Variants in ATP8B1 observed in about 807,000 individuals in gnomAD.
ATP8B1 encodes phospholipid-transporting ATPase IC.
In ATP8B1, 80 loss-of-function variants were observed where a neutral mutation model predicts 149.9. The ratio of observed to expected loss-of-function variants is 0.53; its 90% confidence interval spans 0.45 to 0.64. The LOEUF (loss-of-function observed/expected upper bound fraction) is 0.64. Ranked by LOEUF, ATP8B1 falls within the 30% of genes least tolerant of loss-of-function variation. The pLI, the probability that ATP8B1 is intolerant of heterozygous loss-of-function variation, is 0.00. For missense variants in ATP8B1, 1,247 were observed against 1,552.6 expected, an observed-to-expected ratio of 0.80 and a Z score of 3.31; for synonymous variants, 536 against 562.8, an observed-to-expected ratio of 0.95 and a Z score of 0.67.
intron 2 of ATP8B1, among the ~76,000 whole-genome samples, chr18:57,724,492 A>G (rs2079683857): frequency 6.6e-6 from 1 of 152,204 alleles, no homozygotes. Context: ...CAAAAAACAC[A>G]TGAAAAAATG....
intron 1 of ATP8B1, among the ~76,000 whole-genome samples, chr18:57,791,346 C>CTTTTTTTTTTTTTTTTTTTTT (rs1473257768): frequency 3.1e-4 from 39 of 124,964 alleles, no homozygotes; most frequent in African/African-American, 1.2e-3. Flanking sequence ...TTTTTCTTTT[C>CTTTTTTTTTTTTTTTTTTTTT]TTTTCTTTTT....
At position 57,764,584 on chromosome 18, in the gene ATP8B1, A is replaced by C. The variant is rs184662666; in HGVS notation, c.-25-32752T>G. 2.2e-4 allele frequency among the ~76,000 whole-genome samples: 34 copies of C among 151,638 alleles called. No homozygotes were observed. The East Asian group carries it at 3.5e-3, about 16-fold the overall frequency. ...CAAGCTCCTGCCACCACACCCGGCT[A>C]ATTTTTGTATTTTTAGTAGAGATGG... On this transcript the variant is annotated intron_variant, in intron 1 of 27. Transcript: ENST00000648908.
Position 57,662,585 on chromosome 18 carries a change from C to G in ATP8B1, c.2316G>C (p.Gln772His). 1 of 1,614,186 alleles carries G rather than the reference C, an allele frequency of 6.2e-7. No homozygotes were observed. Among genetic ancestry groups the G allele is most frequent in the Non-Finnish European group, 8.5e-7 (1 of 1,180,032 alleles). Residue 772 changes from glutamine (Q) to histidine (H), a missense_variant, in exon 21 of 28, where the codon CAG (glutamine) becomes CAC (histidine). Coordinates refer to ENST00000648908, the MANE Select transcript of ATP8B1 (RefSeq NM_001374385.1). ...TTGCGTAGACGCCACCTCTATTCCTCTGGTTTTCCATCCTTGCATGAAGAA... is the reference window on the plus strand; with the variant it reads ...TTGCGTAGACGCCACCTCTATTCCTGTGGTTTTCCATCCTTGCATGAAGAA... Reference protein sequence around the residue: ...NSLLHARMENQRNRGGVYAKF... With the variant: ...NSLLHARMENHRNRGGVYAKF...
chr18:57,732,815 G>A (rs534940876), intron 1 of ATP8B1, among the ~76,000 whole-genome samples: 35 of 138,964 alleles, frequency 2.5e-4, no homozygotes, highest in East Asian at 8.7e-4. Flanking sequence ...CACCCGCCTC[G>A]GCTTCCCAAA....
chr18:57,655,251 GT>G lies in ATP8B1; in HGVS notation c.2873del (p.Asn958ThrfsTer50). The G allele has an allele frequency of 6.2e-7, 1 of 1,614,200 alleles. No homozygotes were observed. Among genetic ancestry groups the G allele is most frequent in the Non-Finnish European group, 8.5e-7 (1 of 1,180,010 alleles). ...AGAAATGAACCAAAGTAAAGGCAAA[GT>G]TTTTGTAAAAGAAGTATCGTAGGAA... ...CKFLRYFFYK[N>X]FAFTLVHFWY... On this transcript the variant is annotated frameshift_variant, in exon 23 of 28. Transcript: ENST00000648908. LOFTEE classifies it high-confidence loss of function.
intron 17 of ATP8B1, among the ~76,000 whole-genome samples, chr18:57,670,644 C>T (rs1911170545): frequency 1.3e-5 from 2 of 152,114 alleles, no homozygotes; most frequent in African/African-American, 2.4e-5. Context: ...CTACTGCACC[C>T]AGCCTGATTT....
At chr18:57,773,200 TTAAAAAAAA>T (rs1196068295) in intron 1 of ATP8B1, among the ~76,000 whole-genome samples, 1 of 125,574 alleles carries the variant, frequency 8.0e-6, no homozygotes, top group Non-Finnish European at 1.6e-5. Context: ...AGACTCTGTC[TTAAAAAAAA>T]AAAAAAAAAG....
intron 1 of ATP8B1, among the ~76,000 whole-genome samples, chr18:57,771,435 C>T (rs1343472732): frequency 2.0e-5 from 3 of 151,522 alleles, no homozygotes; most frequent in Non-Finnish European, 4.4e-5. Flanking sequence ...TCCTTCAATT[C>T]ACTTACTTCC....
chr18:57,756,931 G>C (rs1366209044), intron 1 of ATP8B1, among the ~76,000 whole-genome samples: 1 of 152,120 alleles, frequency 6.6e-6, no homozygotes, highest in Non-Finnish European at 1.5e-5. Context: ...ACACTTTTAA[G>C]ACATCGCAAA....
At chr18:57,766,483 C>A (rs1302687442) in intron 1 of ATP8B1, among the ~76,000 whole-genome samples, 1 of 152,164 alleles carries the variant, frequency 6.6e-6, no homozygotes, top group East Asian at 1.9e-4. Flanking sequence ...AGGCAGTGTG[C>A]TAAAAGCTAG....
chr18:57,725,333 A>C (rs897596791), intron 2 of ATP8B1, among the ~76,000 whole-genome samples: 4 of 152,190 alleles, frequency 2.6e-5, no homozygotes, highest in Non-Finnish European at 1.5e-5. Flanking sequence ...AAGAAGTAAA[A>C]GATCTCTGCA....
At chr18:57,786,479 A>G (rs143354578) in intron 1 of ATP8B1, among the ~76,000 whole-genome samples, 183 of 152,320 alleles carry the variant, frequency 1.2e-3, no homozygotes, top group African/African-American at 4.2e-3. Flanking sequence ...TCTAGAGTGC[A>G]GCCCCCAGTC....
intron 8 of ATP8B1, among the ~76,000 whole-genome samples, chr18:57,695,813 C>T (rs1429190799): frequency 6.6e-6 from 1 of 152,198 alleles, no homozygotes; most frequent in East Asian, 1.9e-4. Flanking sequence ...TTAACTTTAA[C>T]TTTACCATCA....
intron 1 of ATP8B1, among the ~76,000 whole-genome samples, chr18:57,743,122 C>T (rs1227194401): frequency 1.3e-5 from 2 of 152,138 alleles, no homozygotes; most frequent in South Asian, 2.1e-4. Flanking sequence ...TGAGGCATGT[C>T]GCCAGGCAAT....
At chr18:57,692,913 G>A (rs1231072931) in intron 11 of ATP8B1, among the ~76,000 whole-genome samples, 1 of 152,184 alleles carries the variant, frequency 6.6e-6, no homozygotes, top group Non-Finnish European at 1.5e-5. Context: ...AACCATCCTA[G>A]TGGTACTTGG....
At chr18:57,778,755 G>A (rs1354431038) in intron 1 of ATP8B1, among the ~76,000 whole-genome samples, 2 of 152,152 alleles carry the variant, frequency 1.3e-5, no homozygotes, top group Admixed American at 1.3e-4. Flanking sequence ...TGGGGCAGCT[G>A]GCTTCTCTTA....
intron 15 of ATP8B1, among the ~76,000 whole-genome samples, chr18:57,678,452 T>A (rs1204302659): frequency 3.3e-5 from 5 of 151,804 alleles, no homozygotes; most frequent in Admixed American, 2.6e-4. Flanking sequence ...CCACGTGTGG[T>A]GGTATGCACC....
At chr18:57,688,648 A>G (rs769133346) in intron 12 of ATP8B1, 141 bp from the exon 13 acceptor site, 60 of 882,976 alleles carry the variant, frequency 6.8e-5, no homozygotes, top group Non-Finnish European at 9.9e-5. Flanking sequence ...CTCCAAATTC[A>G]TATGTTGAAA....
chr18:57,725,292 T>G (rs2079696358), intron 2 of ATP8B1, among the ~76,000 whole-genome samples: 3 of 150,372 alleles, frequency 2.0e-5, no homozygotes, highest in Non-Finnish European at 3.0e-5. Flanking sequence ...ATAATAGCTA[T>G]GAATAAAATA....
Sources: allele counts gnomAD v4.1 joint callset (sites outside exome capture counted in the v4.1 genomes callset), GRCh38; gene constraint gnomAD v4.1.1; transcripts MANE v1.5; gene names NCBI Gene and HGNC (gene_info 2026-07-23, HGNC 2026-07-21).